The following PLEKHM3 variants were observed in gnomAD, a reference collection of about 807,000 sequenced individuals.
PLEKHM3 encodes the protein pleckstrin homology domain-containing family M member 3.
A neutral mutation model predicts 81.8 loss-of-function variants in PLEKHM3; 45 were observed. That is an observed-to-expected ratio of 0.55 (90% CI 0.43 to 0.71). The LOEUF (loss-of-function observed/expected upper bound fraction) is 0.71, where lower values mean the gene tolerates loss of function less well. PLEKHM3 is among the 30% of genes least tolerant of loss of function. PLEKHM3 has a pLI of 0.00. For synonymous variants in PLEKHM3, 352 were observed against 356.4 expected (o/e 0.99, Z 0.14); for missense variants, 788 against 924.3 (o/e 0.85, Z 1.91).
At chr2:207,979,536 GAAA>G (rs796407911) in intron 2 of PLEKHM3, among the ~76,000 whole-genome samples, 2 of 105,144 alleles carry the variant, frequency 1.9e-5, no homozygotes. Flanking sequence ...CGCCGTCTCA[GAAA>G]AAAAAAAAAA....
chr2:207,877,389 C>G (rs1036523287), intron 6 of PLEKHM3, among the ~76,000 whole-genome samples: 3 of 152,172 alleles, frequency 2.0e-5, no homozygotes, highest in Non-Finnish European at 4.4e-5. Context: ...TGACGCCTAT[C>G]TAGATTCATT....
At chr2:207,978,144 T>C (rs1691383375) in intron 2 of PLEKHM3, among the ~76,000 whole-genome samples, 1 of 151,838 alleles carries the variant, frequency 6.6e-6, no homozygotes. Context: ...CAAGAATAAG[T>C]ATGGGGCATG....
intron 2 of PLEKHM3, among the ~76,000 whole-genome samples, chr2:207,983,477 T>C (rs1691611893): frequency 6.6e-6 from 1 of 151,738 alleles, no homozygotes; most frequent in Admixed American, 6.6e-5. Context: ...CCAGATAGGA[T>C]CACGGACAGA....
intron 6 of PLEKHM3, among the ~76,000 whole-genome samples, chr2:207,884,967 T>C (rs1687839182): frequency 6.6e-6 from 1 of 152,218 alleles, no homozygotes; most frequent in Admixed American, 6.5e-5. Context: ...CATCATGTGC[T>C]GCTGAAACTG....
chr2:207,967,525 TTAGC>T (rs1690959126), intron 3 of PLEKHM3, among the ~76,000 whole-genome samples: 1 of 152,254 alleles, frequency 6.6e-6, no homozygotes, highest in African/African-American at 2.4e-5. Flanking sequence ...ATTCCGCATA[TTAGC>T]TCTCCAAACT....
chr2:207,988,073 T>A (rs374522534), intron 2 of PLEKHM3, among the ~76,000 whole-genome samples: 2 of 152,358 alleles, frequency 1.3e-5, no homozygotes, highest in East Asian at 3.9e-4. Flanking sequence ...GATAATCTAT[T>A]CTTTTATTCA....
chr2:207,927,366 A>G (rs948161445), intron 5 of PLEKHM3, among the ~76,000 whole-genome samples: 1 of 152,086 alleles, frequency 6.6e-6, no homozygotes, highest in Non-Finnish European at 1.5e-5. Context: ...AAATACAAAA[A>G]TTAGCCAGGT....
Position 207,825,290 on chromosome 2 carries a change from G to C in PLEKHM3, c.*3029C>G, listed in dbSNP as rs1237041256. 6.6e-6 allele frequency: 1 copy of C among 152,168 alleles called. No homozygotes were observed. Among genetic ancestry groups the C allele is most frequent in the Non-Finnish European group, 1.5e-5 (1 of 68,038 alleles). 9.4% of individuals were successfully genotyped at this position (152,168 alleles called of 1,614,324 possible). ...ACACATGAGTTTCTGGCACTTTTAG[G>C]AGGGATTTCCTCAAGTGATACACTA... On this transcript the variant is annotated 3_prime_UTR_variant, in exon 8 of 8. Coordinates refer to ENST00000427836, the MANE Select transcript of PLEKHM3 (RefSeq NM_001080475.3).
intron 3 of PLEKHM3, among the ~76,000 whole-genome samples, chr2:207,970,029 C>T (rs1428362967): frequency 2.0e-5 from 3 of 152,150 alleles, no homozygotes; most frequent in Non-Finnish European, 4.4e-5. Context: ...TTTCTTTCTT[C>T]TCATACTGCT....
At chr2:207,999,460 G>GA (rs1319054432) in intron 2 of PLEKHM3, among the ~76,000 whole-genome samples, 1 of 152,036 alleles carries the variant, frequency 6.6e-6, no homozygotes, top group East Asian at 1.9e-4. Flanking sequence ...AAAAAAAACT[G>GA]AAAAAATTAG....
At chr2:207,841,696 T>G (rs1253290062) in intron 7 of PLEKHM3, among the ~76,000 whole-genome samples, 1 of 151,670 alleles carries the variant, frequency 6.6e-6, no homozygotes, top group Non-Finnish European at 1.5e-5. Flanking sequence ...TTCCACCAAT[T>G]TGCTATGCCA....
At chr2:207,981,927 G>T (rs914519668) in intron 2 of PLEKHM3, among the ~76,000 whole-genome samples, 6 of 152,148 alleles carry the variant, frequency 3.9e-5, no homozygotes, top group African/African-American at 1.2e-4. Context: ...GTTGACTCTT[G>T]AAAAGCATGG....
intron 5 of PLEKHM3, among the ~76,000 whole-genome samples, chr2:207,922,637 C>G (rs1288427400): frequency 6.6e-6 from 1 of 152,060 alleles, no homozygotes; most frequent in Non-Finnish European, 1.5e-5. Flanking sequence ...ACGGTGAAAA[C>G]CTGTCTCTAC....
intron 3 of PLEKHM3, among the ~76,000 whole-genome samples, chr2:207,960,822 T>C (rs956633243): frequency 1.3e-5 from 2 of 152,208 alleles, no homozygotes; most frequent in Admixed American, 6.5e-5. Context: ...AGAAACATCA[T>C]TTTCCCAAAG....
chr2:208,004,351 G>C (rs1256482308), intron 1 of PLEKHM3, among the ~76,000 whole-genome samples: 1 of 151,982 alleles, frequency 6.6e-6, no homozygotes, highest in Non-Finnish European at 1.5e-5. Flanking sequence ...CAGAGAGTCG[G>C]AGGTTGCAGT....
chr2:207,894,500 T>C (rs1559225115), intron 6 of PLEKHM3, among the ~76,000 whole-genome samples: 1 of 143,838 alleles, frequency 7.0e-6, no homozygotes, highest in Non-Finnish European at 1.5e-5. Context: ...TCCCCACCTT[T>C]GCCCTATTAT....
Position 208,001,243 on chromosome 2 carries a change from C to T in PLEKHM3, c.397G>A (p.Val133Ile), listed in dbSNP as rs764858621. ...CQRRRDRPRS[V>I]NDLLDETSTF... ...GAGGTCTCATCCAGTAAGTCATTTACAGAACGAGGCCGGTCCCTCCGACGC... is the reference window on the plus strand; with the variant it reads ...GAGGTCTCATCCAGTAAGTCATTTATAGAACGAGGCCGGTCCCTCCGACGC... The change falls in exon 2 of 8, where the codon GTA becomes ATA. Residue 133 changes from valine to isoleucine, a missense_variant. Physicochemically the swap from Val to Ile is conservative, Grantham distance 29. Transcript: ENST00000427836. 9 of 1,614,166 alleles carry T rather than the reference C, an allele frequency of 5.6e-6. No individual in the cohort carries two copies. The highest frequency in any genetic ancestry group is 5.5e-5 in the South Asian group (5 of 91,086).
rs868708982 is a variant in PLEKHM3 at position 207,977,062 on chromosome 2, C to T, written c.1135G>A (p.Ala379Thr). ...YRLTVQNNWK[A>T]FTFVLSRAYL... ...GCCCTGCTCAGCACAAATGTAAATG[C>T]CTTCCAGTTGTTTTGGACAGTCAGC... The change falls in exon 3 of 8, where the codon GCA becomes ACA. Residue 379 changes from alanine (A) to threonine (T), a missense_variant. By Grantham distance (58) the Ala-to-Thr change is moderately conservative. Transcript: ENST00000427836. 17 of 1,614,208 alleles carry T rather than the reference C, an allele frequency of 1.1e-5. No individual in the cohort carries two copies. Among genetic ancestry groups the T allele is most frequent in the Middle Eastern group, 3.3e-4 (2 of 6,062 alleles).
intron 2 of PLEKHM3, among the ~76,000 whole-genome samples, chr2:207,981,225 G>A (rs977336344): frequency 3.9e-5 from 6 of 152,038 alleles, no homozygotes; most frequent in African/African-American, 1.4e-4. Flanking sequence ...CTCTCTGGAG[G>A]ATCTGTCTAT....
Sources: allele counts gnomAD v4.1 joint callset (sites outside exome capture counted in the v4.1 genomes callset), GRCh38; gene constraint gnomAD v4.1.1; transcripts MANE v1.5; gene names NCBI Gene and HGNC (gene_info 2026-07-23, HGNC 2026-07-21).